Variants in LRP1B observed in about 807,000 individuals in gnomAD.
LRP1B encodes low-density lipoprotein receptor-related protein 1B.
LRP1B carries 217 observed loss-of-function variants against 556.6 expected under a neutral mutation model. The observed-to-expected ratio is 0.39, with a 90% CI of 0.35 to 0.44. LRP1B has a LOEUF of 0.44. LRP1B is among the 20% of genes least tolerant of loss of function. The probability of loss-of-function intolerance (pLI) is 1.00; values close to 1 mark genes in which losing one functional copy is unlikely to be tolerated. For synonymous variants in LRP1B, 2,047 were observed against 1,865.8 expected, an observed-to-expected ratio of 1.10 and a Z score of -2.50; for missense variants, 5,053 against 5,620.8, an observed-to-expected ratio of 0.90 and a Z score of 3.23.
At chr2:140,392,563 C>T (rs972039565) in intron 66 of LRP1B, among the ~76,000 whole-genome samples, 2 of 151,960 alleles carry the variant, frequency 1.3e-5, no homozygotes, top group African/African-American at 2.4e-5. Context: ...TCTCAGCCCA[C>T]TGCAACCTCT....
intron 41 of LRP1B, among the ~76,000 whole-genome samples, chr2:140,626,137 C>T (rs1264520206): frequency 6.6e-6 from 1 of 152,140 alleles, no homozygotes; most frequent in Non-Finnish European, 1.5e-5. Context: ...AGGCTGCATA[C>T]TATTTGATTC....
At chr2:141,714,395 T>C (rs906602785) in intron 2 of LRP1B, among the ~76,000 whole-genome samples, 1 of 151,972 alleles carries the variant, frequency 6.6e-6, no homozygotes, top group Non-Finnish European at 1.5e-5. Flanking sequence ...GTGAATGATG[T>C]TTTTTGGTTT....
chr2:140,616,141 A>C (rs1351674102), intron 41 of LRP1B, among the ~76,000 whole-genome samples: 1 of 152,048 alleles, frequency 6.6e-6, no homozygotes, highest in African/African-American at 2.4e-5. Flanking sequence ...TGGAGCTATT[A>C]ATAGTACCAT....
intron 32 of LRP1B, among the ~76,000 whole-genome samples, chr2:140,810,762 A>C (rs1382968563): frequency 6.6e-6 from 1 of 152,140 alleles, no homozygotes; most frequent in Non-Finnish European, 1.5e-5. Flanking sequence ...TTTGAAGCTG[A>C]GTCTTGCACT....
intron 90 of LRP1B, among the ~76,000 whole-genome samples, chr2:140,234,534 T>C (rs1159570062): frequency 6.6e-6 from 1 of 151,294 alleles, no homozygotes; most frequent in Non-Finnish European, 1.5e-5. Flanking sequence ...ATGTTCACTG[T>C]AAAGGGACAA....
intron 41 of LRP1B, among the ~76,000 whole-genome samples, chr2:140,627,415 A>T (rs761790860): frequency 6.6e-6 from 1 of 152,116 alleles, no homozygotes; most frequent in Non-Finnish European, 1.5e-5. Flanking sequence ...TTCTGTGCTG[A>T]ATGCTTCCTG....
At chr2:141,065,195 G>A (rs570230049) in intron 7 of LRP1B, among the ~76,000 whole-genome samples, 10 of 151,874 alleles carry the variant, frequency 6.6e-5, no homozygotes, top group South Asian at 6.2e-4. Flanking sequence ...TCGTTCCGTT[G>A]GCTATTTTAT....
rs757611559 is a variant in LRP1B at position 140,373,080 on chromosome 2, T to C, written c.10696A>G (p.Ile3566Val). 5.6e-6 allele frequency: 9 copies of C among 1,613,334 alleles called. No individual in the cohort carries two copies. The highest frequency in any genetic ancestry group is 2.7e-5 in the African/African-American group (2 of 74,880). The stretch of plus-strand genomic sequence containing the variant: ...CCATCACATTTCCATTTTGCTGGTA[T>C]ACACTGACCATTGGAACACCGGAAC... Reference protein sequence around the residue: ...DQFRCSNGQCIPAKWKCDGHE... With the variant: ...DQFRCSNGQCVPAKWKCDGHE... The change falls in exon 69 of 91, where the codon ATA (isoleucine) becomes GTA (valine). Residue 3566 changes from isoleucine (I) to valine (V), a missense_variant. This residue lies in a region of LRP1B where 599 missense variants were observed against 648.4 expected (regional missense o/e 0.92). Transcript: ENST00000389484.
intron 66 of LRP1B, among the ~76,000 whole-genome samples, chr2:140,434,123 G>A (rs1686071045): frequency 6.6e-6 from 1 of 151,874 alleles, no homozygotes; most frequent in Non-Finnish European, 1.5e-5. Context: ...AGGCTGGAGT[G>A]TAGTGGTGCG....
At chr2:140,352,250 A>G (rs1025738732) in intron 76 of LRP1B, among the ~76,000 whole-genome samples, 5 of 152,186 alleles carry the variant, frequency 3.3e-5, no homozygotes, top group African/African-American at 1.2e-4. Flanking sequence ...ATCCTGGCTC[A>G]CTGCAACCTC....
intron 3 of LRP1B, among the ~76,000 whole-genome samples, chr2:141,289,484 T>C (rs1046093914): frequency 4.0e-5 from 6 of 151,050 alleles, no homozygotes; most frequent in Non-Finnish European, 7.4e-5. Context: ...CTGGAATATA[T>C]AATACTACCA....
At chr2:141,730,016 G>A (rs755609340) in intron 2 of LRP1B, among the ~76,000 whole-genome samples, 2 of 152,138 alleles carry the variant, frequency 1.3e-5, no homozygotes, top group African/African-American at 2.4e-5. Flanking sequence ...TTGGAAGTCT[G>A]TTGAAGCCCC....
chr2:140,884,970 C>T (rs1427589270), intron 24 of LRP1B, among the ~76,000 whole-genome samples: 1 of 152,162 alleles, frequency 6.6e-6, no homozygotes, highest in Non-Finnish European at 1.5e-5. Context: ...GTCTCAGCCT[C>T]CCAAAGTGCT....
chr2:141,743,707 G>C (rs1693805083), intron 2 of LRP1B, among the ~76,000 whole-genome samples: 1 of 151,788 alleles, frequency 6.6e-6, no homozygotes. Flanking sequence ...TCTGGTTTTG[G>C]AGTTTCTCAT....
chr2:141,860,093 T>G (rs1436945151), intron 1 of LRP1B, among the ~76,000 whole-genome samples: 1 of 152,196 alleles, frequency 6.6e-6, no homozygotes, highest in Non-Finnish European at 1.5e-5. Context: ...ATTCCCATCT[T>G]TTGGGGCATT....
At chr2:141,024,419 C>T (rs2105403737) in intron 11 of LRP1B, among the ~76,000 whole-genome samples, 1 of 152,056 alleles carries the variant, frequency 6.6e-6, no homozygotes, top group East Asian at 1.9e-4. Context: ...CCAGAATAAA[C>T]AGAATATATT....
At chr2:141,897,658 G>A (rs1052593287) in intron 1 of LRP1B, among the ~76,000 whole-genome samples, 2 of 152,096 alleles carry the variant, frequency 1.3e-5, no homozygotes, top group Admixed American at 1.3e-4. Flanking sequence ...ATATCAAAGT[G>A]CCATTAGGAA....
At chr2:141,195,358 A>T (rs951152912) in intron 6 of LRP1B, among the ~76,000 whole-genome samples, 1 of 152,128 alleles carries the variant, frequency 6.6e-6, no homozygotes, top group Non-Finnish European at 1.5e-5. Context: ...TAACATCTTG[A>T]TTGCAACCTC....
At chr2:140,556,115 C>T (rs1680722295) in intron 43 of LRP1B, among the ~76,000 whole-genome samples, 1 of 151,946 alleles carries the variant, frequency 6.6e-6, no homozygotes, top group South Asian at 2.1e-4. Context: ...CAACGGGGCT[C>T]AGGACACATT....
Sources: allele counts gnomAD v4.1 joint callset (sites outside exome capture counted in the v4.1 genomes callset), GRCh38; gene constraint gnomAD v4.1.1; regional missense constraint gnomAD v4.1.1; transcripts MANE v1.5; gene names NCBI Gene and HGNC (gene_info 2026-07-23, HGNC 2026-07-21).